Variants in PTCHD4 observed in about 807,000 individuals in gnomAD.
The protein encoded by PTCHD4 is patched domain containing 4.
PTCHD4 carries 33 observed loss-of-function variants against 58.1 expected under a neutral mutation model. That is an observed-to-expected ratio of 0.57 (90% CI 0.43 to 0.76). PTCHD4 has a LOEUF of 0.76. PTCHD4 is among the 30% of genes least tolerant of loss of function. The pLI is 0.00. For missense variants in PTCHD4, 1,058 were observed against 1,027.1 expected (o/e 1.03, Z -0.41); for synonymous variants, 478 against 409.6 (o/e 1.17, Z -2.02).
chr6:48,108,453 G>T, intron 1 of PTCHD4, among the ~76,000 whole-genome samples: 1 of 152,098 alleles, frequency 6.6e-6, no homozygotes, highest in Non-Finnish European at 1.5e-5. Context: ...GGACTGTTGT[G>T]GGGTGGGGGG....
At chr6:47,918,155 T>G (rs917218249) in intron 4 of PTCHD4, among the ~76,000 whole-genome samples, 1 of 152,112 alleles carries the variant, frequency 6.6e-6, no homozygotes, top group African/African-American at 2.4e-5. Flanking sequence ...TTCACAGACA[T>G]TTGGACCTAA....
In PTCHD4 at chr6:47,933,152, T is replaced by C. The variant is rs1765881549; in HGVS notation, c.899-53216A>G. 2.0e-5 allele frequency among the ~76,000 whole-genome samples: 3 copies of C among 152,210 alleles called. No homozygotes were observed. In the South Asian group the frequency reaches 6.2e-4, roughly 32 times the overall value. On this transcript the variant is annotated intron_variant, in intron 4 of 4. Transcript: ENST00000339488. ...TGATTAGAGGAGGAACCATATGCTC[T>C]GATAATCAACCCAGTGGAAGGCCAG...
At chr6:48,059,759 C>T (rs150321190) in intron 3 of PTCHD4, among the ~76,000 whole-genome samples, 1,825 of 152,262 alleles carry the variant, frequency 0.012, 22 homozygotes, top group South Asian at 0.027. Flanking sequence ...AAATTCATTA[C>T]ATGACCCTCA....
intron 4 of PTCHD4, among the ~76,000 whole-genome samples, chr6:47,946,908 ATCATAGC>A (rs1766441101): frequency 6.6e-6 from 1 of 152,086 alleles, no homozygotes; most frequent in Admixed American, 6.6e-5. Flanking sequence ...CAGTGCCATG[ATCATAGC>A]TCTTTGCAAC....
At chr6:47,949,012 A>G (rs971233926) in intron 4 of PTCHD4, among the ~76,000 whole-genome samples, 1 of 152,238 alleles carries the variant, frequency 6.6e-6, no homozygotes, top group Non-Finnish European at 1.5e-5. Flanking sequence ...AATGCTGTTC[A>G]TGGAGACAAA....
chr6:47,981,930 C>G (rs549123354), intron 4 of PTCHD4, among the ~76,000 whole-genome samples: 181 of 151,426 alleles, frequency 1.2e-3, no homozygotes, highest in Non-Finnish European at 1.4e-3. Flanking sequence ...TCAACTTTTC[C>G]TAACGTTTTA....
chr6:47,977,802 G>A (rs62397957), intron 4 of PTCHD4, among the ~76,000 whole-genome samples: 1,806 of 152,038 alleles, frequency 0.012, 13 homozygotes, highest in Non-Finnish European at 0.02. Context: ...TCCATAAATA[G>A]CACACTCTAT....
chr6:47,880,460 C>A (rs1763986900), intron 4 of PTCHD4, among the ~76,000 whole-genome samples: 1 of 152,040 alleles, frequency 6.6e-6, no homozygotes, highest in Non-Finnish European at 1.5e-5. Flanking sequence ...TGTTGATAAT[C>A]TCCTTGGTGG....
Position 47,867,828 on chromosome 6 carries a change from T to C in PTCHD4, c.*10475A>G, listed in dbSNP as rs1457226697. 2.0e-5 allele frequency among the ~76,000 whole-genome samples: 3 copies of C among 151,754 alleles called. No individual in the cohort carries two copies. The highest frequency in any genetic ancestry group is 7.3e-5 in the African/African-American group (3 of 41,368). On this transcript the variant is annotated 3_prime_UTR_variant, in exon 5 of 5. Coordinates refer to ENST00000339488, the MANE Select transcript of PTCHD4 (RefSeq NM_001384253.1). ...ATGCATACCTCAAAGTCAGGAACTA[T>C]GAATAGTTTAGTGGTATTTTCTTCT...
rs115573104 is a variant in PTCHD4 at position 48,053,724 on chromosome 6, C to T, written c.417+14506G>A. 1.8e-3 allele frequency among the ~76,000 whole-genome samples: 269 copies of T among 152,194 alleles called. 1 individual carries two copies. Among genetic ancestry groups the T allele is most frequent in the African/African-American group, 6.1e-3 (253 of 41,542 alleles). ...CCCAATGATAAGCAATCCGGGACAT[C>T]TTAGGAGCATAGCAAATTGATTAAG... On this transcript the variant is annotated intron_variant, in intron 3 of 4. Transcript: ENST00000339488.
intron 3 of PTCHD4, among the ~76,000 whole-genome samples, chr6:48,064,614 T>C (rs1022275991): frequency 1.7e-4 from 26 of 152,118 alleles, no homozygotes; most frequent in African/African-American, 6.3e-4. Context: ...AGCTGGAGAA[T>C]ACAAAGAATA....
At position 47,861,735 on chromosome 6, in the gene PTCHD4, T is replaced by C. The variant is rs1763430647; in HGVS notation, c.*16568A>G. Among the ~76,000 whole-genome samples the C allele has an allele frequency of 6.6e-6, 1 of 151,930 alleles. No individual in the cohort carries two copies. Among genetic ancestry groups the C allele is most frequent in the Admixed American group, 6.6e-5 (1 of 15,224 alleles). On this transcript the variant is annotated 3_prime_UTR_variant, in exon 5 of 5. Coordinates refer to ENST00000339488, the MANE Select transcript of PTCHD4 (RefSeq NM_001384253.1). ...TTGCCAATGTCTCATAACAAATGTT[T>C]CAGTGAAAGCAAATAGTTACTTTCT...
At chr6:47,952,669 A>G (rs1029022684) in intron 4 of PTCHD4, among the ~76,000 whole-genome samples, 6 of 152,140 alleles carry the variant, frequency 3.9e-5, no homozygotes, top group Non-Finnish European at 7.4e-5. Flanking sequence ...TCACTGTAAT[A>G]TAACTGCCTA....
At chr6:47,902,911 C>A (rs778477989) in intron 4 of PTCHD4, among the ~76,000 whole-genome samples, 1 of 152,144 alleles carries the variant, frequency 6.6e-6, no homozygotes, top group African/African-American at 2.4e-5. Context: ...CTAAAAAGAG[C>A]GCTTTTGGCA....
intron 4 of PTCHD4, among the ~76,000 whole-genome samples, chr6:47,949,607 A>G (rs557511737): frequency 1.3e-5 from 2 of 152,166 alleles, no homozygotes; most frequent in African/African-American, 4.8e-5. Flanking sequence ...CCTTGACTCA[A>G]GGTCACAGAT....
chr6:47,866,350 A>T lies in PTCHD4; in HGVS notation c.*11953T>A, dbSNP rs995305396. On this transcript the variant is annotated 3_prime_UTR_variant, in exon 5 of 5. Coordinates refer to ENST00000339488, the MANE Select transcript of PTCHD4 (RefSeq NM_001384253.1). ...GTCTCGCTATAGGATATATTGATTT[A>T]AGTAGTCTGGCATGAAGTCTGGGCA... Among the ~76,000 whole-genome samples, 1 of 151,870 alleles carries T rather than the reference A, an allele frequency of 6.6e-6. No homozygotes were observed. The highest frequency in any genetic ancestry group is 2.4e-5 in the African/African-American group (1 of 41,416).
chr6:47,928,843 A>G (rs1765717286), intron 4 of PTCHD4, among the ~76,000 whole-genome samples: 1 of 152,182 alleles, frequency 6.6e-6, no homozygotes, highest in African/African-American at 2.4e-5. Flanking sequence ...TTAATGTTGA[A>G]TGAATGAGTT....
intron 4 of PTCHD4, among the ~76,000 whole-genome samples, chr6:47,895,935 C>A (rs928738513): frequency 6.6e-6 from 1 of 152,102 alleles, no homozygotes; most frequent in Non-Finnish European, 1.5e-5. Context: ...AATGAAAATG[C>A]CTTGAAACCA....
At chr6:47,923,173 A>G (rs1196114552) in intron 4 of PTCHD4, among the ~76,000 whole-genome samples, 2 of 152,228 alleles carry the variant, frequency 1.3e-5, no homozygotes, top group Non-Finnish European at 1.5e-5. Flanking sequence ...GTTATCATAA[A>G]AATAACATTT....
Sources: gnomAD v4.1 joint callset for allele counts (sites outside exome capture counted in the v4.1 genomes callset) on GRCh38, gnomAD v4.1.1 for gene constraint, MANE v1.5 for transcripts, NCBI Gene and HGNC (gene_info 2026-07-23, HGNC 2026-07-21) for gene names.